RORA: variants seen among roughly 807,000 people sequenced by gnomAD.
The protein encoded by RORA is nuclear receptor ROR-alpha.
Under a neutral mutation model 69.5 loss-of-function variants are expected in RORA, and 7 were observed. The ratio of observed to expected loss-of-function variants is 0.10; its 90% confidence interval spans 0.06 to 0.19. The LOEUF is 0.19. Ranked by LOEUF, RORA falls within the 10% of genes least tolerant of loss-of-function variation. The pLI, the probability that RORA is intolerant of heterozygous loss-of-function variation, is 1.00. For synonymous variants in RORA, 261 were observed against 240.8 expected (o/e 1.08, Z -0.78); for missense variants, 457 against 663.0 (o/e 0.69, Z 3.41).
intron 1 of RORA, among the ~76,000 whole-genome samples, chr15:61,056,116 G>A (rs889493495): frequency 1.3e-5 from 2 of 152,158 alleles, no homozygotes; most frequent in African/African-American, 4.8e-5. Flanking sequence ...AAGAATGAAA[G>A]CAGATTAAAG....
intron 1 of RORA, among the ~76,000 whole-genome samples, chr15:61,224,848 C>A (rs2080131355): frequency 6.6e-6 from 1 of 152,196 alleles, no homozygotes; most frequent in Non-Finnish European, 1.5e-5. Flanking sequence ...CTACAGCCCC[C>A]ACCTCTGCTA....
At chr15:60,610,852 T>C (rs1387433343) in intron 2 of RORA, among the ~76,000 whole-genome samples, 2 of 152,232 alleles carry the variant, frequency 1.3e-5, no homozygotes, top group Non-Finnish European at 2.9e-5. Flanking sequence ...GCCATGTGGA[T>C]AAATTGCATT....
intron 1 of RORA, among the ~76,000 whole-genome samples, chr15:61,088,897 T>A (rs138587889): frequency 6.6e-6 from 1 of 152,150 alleles, no homozygotes; most frequent in African/African-American, 2.4e-5. Flanking sequence ...CAATCACCCA[T>A]GTCATCACCA....
intron 2 of RORA, chr15:60,593,028 T>C (rs1293376797): frequency 2.3e-6 from 1 of 443,644 alleles, no homozygotes; most frequent in Admixed American, 2.5e-5. Context: ...GTGCCCCAGC[T>C]CTAATCGGAA....
chr15:61,122,322 GA>G (rs2079111440), intron 1 of RORA, among the ~76,000 whole-genome samples: 1 of 152,196 alleles, frequency 6.6e-6, no homozygotes, highest in African/African-American at 2.4e-5. Context: ...GGAAGCATTT[GA>G]AAAGGGGCAG....
chr15:61,105,101 C>T (rs2078934067), intron 1 of RORA, among the ~76,000 whole-genome samples: 1 of 151,110 alleles, frequency 6.6e-6, no homozygotes, highest in Non-Finnish European at 1.5e-5. Context: ...TGAAAGTGGA[C>T]TAATACAGCT....
chr15:60,878,490 G>T (rs1055545727), intron 1 of RORA, among the ~76,000 whole-genome samples: 1 of 152,170 alleles, frequency 6.6e-6, no homozygotes, highest in Non-Finnish European at 1.5e-5. Context: ...CTCAGAAGGA[G>T]GGAAAATCAT....
chr15:61,067,207 G>A (rs889116506), intron 1 of RORA, among the ~76,000 whole-genome samples: 5 of 151,704 alleles, frequency 3.3e-5, no homozygotes, highest in Non-Finnish European at 5.9e-5. Flanking sequence ...TGCCTCCCGG[G>A]TTCAAGCGAT....
At chr15:60,737,413 C>CT (rs570277333) in intron 1 of RORA, among the ~76,000 whole-genome samples, 134 of 152,256 alleles carry the variant, frequency 8.8e-4, no homozygotes, top group African/African-American at 3.0e-3. Context: ...GAAGGTTAAC[C>CT]TCTAGACTAG....
intron 1 of RORA, among the ~76,000 whole-genome samples, chr15:60,877,127 G>A (rs1658772404): frequency 6.6e-6 from 1 of 152,172 alleles, no homozygotes; most frequent in Non-Finnish European, 1.5e-5. Flanking sequence ...CAGATATTGG[G>A]GAAGACTTTT....
chr15:61,030,905 G>A (rs552721224), intron 1 of RORA, among the ~76,000 whole-genome samples: 3 of 152,126 alleles, frequency 2.0e-5, no homozygotes, highest in Non-Finnish European at 4.4e-5. Flanking sequence ...ACAAAACTAT[G>A]AAAGTCAGTT....
chr15:61,177,632 G>GAATAAA (rs1229028141), intron 1 of RORA, among the ~76,000 whole-genome samples: 1 of 151,818 alleles, frequency 6.6e-6, no homozygotes, highest in Non-Finnish European at 1.5e-5. Context: ...TATATAATAA[G>GAATAAA]AATAAAAATA....
intron 1 of RORA, among the ~76,000 whole-genome samples, chr15:61,179,437 G>A (rs375794020): frequency 6.6e-6 from 1 of 152,190 alleles, no homozygotes; most frequent in African/African-American, 2.4e-5. Flanking sequence ...TGTTTTGGAA[G>A]ATTTTTGTTT....
Position 60,595,178 on chromosome 15 carries a change from T to C in RORA, c.197-63327A>G, listed in dbSNP as rs76317630. 4.2e-3 allele frequency among the ~76,000 whole-genome samples: 630 copies of C among 151,638 alleles called. 2 individuals carry two copies. The highest frequency in any genetic ancestry group is 5.8e-3 in the Non-Finnish European group (393 of 67,780). On this transcript the variant is annotated intron_variant, in intron 2 of 10. Transcript: ENST00000335670. ...AATACCAAATTGGAGCCATAAATGATACATTTTAGCACAAACTTTTACCCA... is the reference window on the plus strand; with the variant it reads ...AATACCAAATTGGAGCCATAAATGACACATTTTAGCACAAACTTTTACCCA...
chr15:60,975,034 C>T (rs901586423), intron 1 of RORA, among the ~76,000 whole-genome samples: 9 of 152,088 alleles, frequency 5.9e-5, no homozygotes, highest in Non-Finnish European at 1.0e-4. Context: ...GCAGAGAGCC[C>T]GGAATCTTTC....
chr15:60,979,848 T>C (rs1231541933), intron 1 of RORA, among the ~76,000 whole-genome samples: 1 of 152,188 alleles, frequency 6.6e-6, no homozygotes, highest in African/African-American at 2.4e-5. Flanking sequence ...TCTTTCTCTC[T>C]TCCACTTCTC....
chr15:60,973,763 G>T (rs1392500729), intron 1 of RORA, among the ~76,000 whole-genome samples: 1 of 152,212 alleles, frequency 6.6e-6, no homozygotes, highest in Non-Finnish European at 1.5e-5. Flanking sequence ...CAAGGTCTGG[G>T]AACGGCTGGT....
At chr15:60,751,185 T>A (rs1432913748) in intron 1 of RORA, among the ~76,000 whole-genome samples, 1 of 152,190 alleles carries the variant, frequency 6.6e-6, no homozygotes, top group African/African-American at 2.4e-5. Context: ...TGGCGGGGCA[T>A]CTCTCTCTAC....
intron 1 of RORA, among the ~76,000 whole-genome samples, chr15:61,018,419 CA>C (rs1401288172): frequency 1.3e-5 from 2 of 152,012 alleles, no homozygotes; most frequent in Non-Finnish European, 2.9e-5. Flanking sequence ...GATGCAGAAA[CA>C]ATCAGAAAAG....
Sources: gnomAD v4.1 joint callset for allele counts (sites outside exome capture counted in the v4.1 genomes callset) on GRCh38, gnomAD v4.1.1 for gene constraint, MANE v1.5 for transcripts, NCBI Gene and HGNC (gene_info 2026-07-23, HGNC 2026-07-21) for gene names.